STX8: variants seen among roughly 807,000 people sequenced by gnomAD.
STX8 encodes syntaxin-8.
STX8 carries 23 observed loss-of-function variants against 37.5 expected under a neutral mutation model. That is an observed-to-expected ratio of 0.61 (90% CI 0.44 to 0.87). The LOEUF (loss-of-function observed/expected upper bound fraction) is 0.87, where lower values mean the gene tolerates loss of function less well. Among genes scored for constraint, STX8 ranks in the 40% least tolerant of loss-of-function variants. STX8 has a pLI of 0.00. For synonymous variants in STX8, 115 were observed against 99.1 expected (o/e 1.16, Z -0.95); for missense variants, 313 against 284.7 (o/e 1.10, Z -0.71).
At chr17:9,536,949 T>C (rs1482718156) in intron 4 of STX8, among the ~76,000 whole-genome samples, 1 of 152,128 alleles carries the variant, frequency 6.6e-6, no homozygotes, top group Non-Finnish European at 1.5e-5. Context: ...GGTTTCACCA[T>C]GTTGGCCAGG....
At chr17:9,496,029 G>C (rs1007270638) in intron 5 of STX8, among the ~76,000 whole-genome samples, 2 of 142,782 alleles carry the variant, frequency 1.4e-5, no homozygotes, top group Non-Finnish European at 3.1e-5. Flanking sequence ...GTCTCAAAAA[G>C]AAAAAAAGAA....
At chr17:9,345,508 ACT>A (rs1297240496) in intron 7 of STX8, among the ~76,000 whole-genome samples, 4 of 152,136 alleles carry the variant, frequency 2.6e-5, no homozygotes, top group African/African-American at 9.6e-5. Context: ...GGCTTAAATG[ACT>A]CTCTAAATGA....
At chr17:9,324,694 A>G (rs111560137) in intron 7 of STX8, among the ~76,000 whole-genome samples, 2,154 of 148,402 alleles carry the variant, frequency 0.015, 60 homozygotes, top group African/African-American at 0.051. Context: ...GAACCCGGGA[A>G]GTGAAGGTTG....
chr17:9,569,545 C>A (rs1363073424), intron 1 of STX8: 1 of 153,306 alleles, frequency 6.5e-6, no homozygotes, highest in African/African-American at 2.4e-5. Context: ...TAATAAGCTT[C>A]TAGTTGTCAT....
intron 5 of STX8, among the ~76,000 whole-genome samples, chr17:9,500,420 A>T (rs559463943): frequency 6.6e-6 from 1 of 152,174 alleles, no homozygotes. Context: ...TTCCCAAGCC[A>T]TGGTGTGGGG....
chr17:9,422,037 G>A (rs1050923010), intron 6 of STX8, among the ~76,000 whole-genome samples: 1 of 151,582 alleles, frequency 6.6e-6, no homozygotes, highest in Non-Finnish European at 1.5e-5. Context: ...CATGCTTCCT[G>A]TAGAGCCTGT....
At chr17:9,298,669 G>A (rs187767487) in intron 7 of STX8, among the ~76,000 whole-genome samples, 47 of 152,164 alleles carry the variant, frequency 3.1e-4, no homozygotes, top group Middle Eastern at 6.8e-3. Flanking sequence ...AAAATTAGCC[G>A]GGTGTGGTGG....
intron 2 of STX8, 137 bp downstream of exon 2, chr17:9,568,234 T>C (rs1907536443): frequency 1.6e-6 from 1 of 610,498 alleles, no homozygotes; most frequent in East Asian, 3.0e-5. Context: ...TGGTTGGGTG[T>C]TATGTCAATT....
chr17:9,548,324 C>G (rs961710063), intron 3 of STX8: 1 of 151,780 alleles, frequency 6.6e-6, no homozygotes, highest in African/African-American at 2.4e-5. Context: ...AGGCTGGTCT[C>G]GAACTCCTGA....
At chr17:9,314,481 T>G (rs926685159) in intron 7 of STX8, among the ~76,000 whole-genome samples, 9 of 152,154 alleles carry the variant, frequency 5.9e-5, no homozygotes, top group Admixed American at 5.9e-4. Context: ...CACTGCAAGC[T>G]CCGCCTCCCA....
chr17:9,378,718 C>G (rs908110189), intron 6 of STX8, 65 bp from the exon 7 acceptor site: 4 of 1,230,870 alleles, frequency 3.2e-6, no homozygotes, highest in African/African-American at 1.5e-5. Context: ...AGTATCACAG[C>G]TGTGGTTGTT....
intron 4 of STX8, among the ~76,000 whole-genome samples, chr17:9,535,645 G>A (rs1012184075): frequency 1.3e-5 from 2 of 151,726 alleles, no homozygotes; most frequent in East Asian, 1.9e-4. Flanking sequence ...TGTTAGCCAG[G>A]ATGGTCTCAA....
chr17:9,304,507 C>CAAAAAAAAAAAAAAAAAAA (rs35673905), intron 7 of STX8, among the ~76,000 whole-genome samples: 11 of 56,860 alleles, frequency 1.9e-4, no homozygotes, highest in South Asian at 6.4e-4. Context: ...GAAACTGTCT[C>CAAAAAAAAAAAAAAAAAAA]AAAAAAAAAA....
At chr17:9,278,186 G>A (rs200366389) in intron 7 of STX8, among the ~76,000 whole-genome samples, 3 of 152,306 alleles carry the variant, frequency 2.0e-5, no homozygotes, top group African/African-American at 7.2e-5. Context: ...AGTGGCTTAC[G>A]CCTGTAATCC....
At chr17:9,354,313 TCTCA>T (rs1465808381) in intron 7 of STX8, among the ~76,000 whole-genome samples, 1 of 149,716 alleles carries the variant, frequency 6.7e-6, no homozygotes, top group Non-Finnish European at 1.5e-5. Context: ...TTAATAATTG[TCTCA>T]CTTTTTTTTT....
intron 2 of STX8, among the ~76,000 whole-genome samples, chr17:9,567,442 T>C (rs992663748): frequency 2.6e-5 from 4 of 152,220 alleles, no homozygotes; most frequent in African/African-American, 9.6e-5. Flanking sequence ...TTCTGTAAAC[T>C]GTAAAATAGA....
chr17:9,367,689 C>T (rs1204727061), intron 7 of STX8, among the ~76,000 whole-genome samples: 1 of 152,162 alleles, frequency 6.6e-6, no homozygotes, highest in Non-Finnish European at 1.5e-5. Flanking sequence ...ATGGTACTCA[C>T]CATTAGAAGT....
chr17:9,332,322 C>A (rs557547318), intron 7 of STX8, among the ~76,000 whole-genome samples: 1 of 152,242 alleles, frequency 6.6e-6, no homozygotes, highest in East Asian at 1.9e-4. Flanking sequence ...TCATCATTTC[C>A]CCCTCATCCA....
At chr17:9,269,056 G>A (rs992570908) in intron 7 of STX8, among the ~76,000 whole-genome samples, 19 of 147,150 alleles carry the variant, frequency 1.3e-4, no homozygotes, top group East Asian at 3.9e-4. Flanking sequence ...GCATGGTGGC[G>A]GGCGCCTGTA....
Sources: gnomAD v4.1 joint callset for allele counts (sites outside exome capture counted in the v4.1 genomes callset) on GRCh38, gnomAD v4.1.1 for gene constraint, MANE v1.5 for transcripts, NCBI Gene and HGNC (gene_info 2026-07-23, HGNC 2026-07-21) for gene names.